FBXO46: variants seen among roughly 807,000 people sequenced by gnomAD.
FBXO46 encodes the protein F-box protein 46.
In FBXO46, 13 loss-of-function variants were observed where a neutral mutation model predicts 30.7. The observed-to-expected ratio is 0.42, with a 90% CI of 0.28 to 0.67. The LOEUF is 0.67. Ranked by LOEUF, FBXO46 falls within the 30% of genes least tolerant of loss-of-function variation. FBXO46 has a pLI of 0.21. For missense variants in FBXO46, 754 were observed against 871.5 expected (o/e 0.87, Z 1.70); for synonymous variants, 467 against 385.8 (o/e 1.21, Z -2.47).
upstream of FBXO46, among the ~76,000 whole-genome samples, chr19:45,731,158 G>A (rs982557579): frequency 6.6e-6 from 1 of 152,182 alleles, no homozygotes; most frequent in African/African-American, 2.4e-5. Context: ...CTCCATTTTT[G>A]CCCGAGGCCC....
intron 1 of FBXO46, among the ~76,000 whole-genome samples, chr19:45,729,219 C>T (rs753647256): frequency 2.0e-5 from 3 of 152,188 alleles, no homozygotes; most frequent in Non-Finnish European, 1.5e-5. Context: ...CACCTGAGGC[C>T]AGGAGTTCAA....
In FBXO46 at chr19:45,729,022, AT is replaced by A. The variant is rs1968274843; in HGVS notation, c.-79+1826del. On this transcript the variant is annotated intron_variant, in intron 1 of 1. Coordinates refer to ENST00000317683, the MANE Select transcript of FBXO46 (RefSeq NM_001080469.2). The stretch of plus-strand genomic sequence containing the variant: ...GCTACTCGGGAGGCTGAGGCGGAGA[AT>A]TGCTTGAACCCGGGAGGCGGAGGTT... Among the ~76,000 whole-genome samples, 4 of 152,092 alleles carry A rather than the reference AT, an allele frequency of 2.6e-5. 1 individual carries two copies. In the South Asian group the frequency reaches 8.3e-4, roughly 32 times the overall value.
chr19:45,724,513 A>G (rs570763255), intron 1 of FBXO46, among the ~76,000 whole-genome samples: 1 of 152,268 alleles, frequency 6.6e-6, no homozygotes, highest in Admixed American at 6.5e-5. Flanking sequence ...TAAGTGCTCT[A>G]TTAACACTTG....
rs1261587469 is a variant in FBXO46 at position 45,712,226 on chromosome 19, G to A, written c.1270C>T (p.Pro424Ser). Residue 424 changes from proline (P) to serine (S), a missense_variant, in exon 2 of 2, where the codon CCG becomes TCG. By Grantham distance (74) the Pro-to-Ser change is moderately conservative (BLOSUM62 -1). Coordinates refer to ENST00000317683, the MANE Select transcript of FBXO46 (RefSeq NM_001080469.2). The surrounding 1 kb of genome is among the most constrained non-coding windows in gnomAD (Gnocchi z 8.8). ...GGCGCAGTGGCCGGGGAGTCGGCCG[G>A]GGGTGGCTCCGGGGGCCCGTCCGGC... Reference protein sequence around the residue: ...RGPDGPPEPPPADSPATAPGP... With the variant: ...RGPDGPPEPPSADSPATAPGP... 1 of 1,605,664 alleles carries A rather than the reference G, an allele frequency of 6.2e-7. No homozygotes were observed. Among genetic ancestry groups the A allele is most frequent in the Admixed American group, 1.7e-5 (1 of 59,666 alleles).
At chr19:45,718,647 CCCTT>C (rs1456362684) in intron 1 of FBXO46, among the ~76,000 whole-genome samples, 1 of 151,934 alleles carries the variant, frequency 6.6e-6, no homozygotes, top group Non-Finnish European at 1.5e-5. Context: ...TTCTCCAACT[CCCTT>C]CCTGGAAATC....
chr19:45,712,716 G>A lies in FBXO46; in HGVS notation c.780C>T (p.Arg260=), dbSNP rs1259829765. ...ERPGPGPGEV[R]IAFRISNGRE... Reference sequence around the variant, plus strand: ...GGCCGTTGGAGATGCGGAAGGCGATGCGCACCTCCCCAGGGCCTGGCCCGG... The same window carrying A: ...GGCCGTTGGAGATGCGGAAGGCGATACGCACCTCCCCAGGGCCTGGCCCGG... Residue 260 remains arginine (R), a synonymous_variant, in exon 2 of 2, where the codon CGC becomes CGT. Transcript: ENST00000317683. The surrounding 1 kb of genome is among the most constrained non-coding windows in gnomAD (Gnocchi z 8.8). 1 of 1,612,480 alleles carries A rather than the reference G, an allele frequency of 6.2e-7. No individual in the cohort carries two copies. Among genetic ancestry groups the A allele is most frequent in the East Asian group, 2.2e-5 (1 of 44,848 alleles).
rs377319128 is a variant in FBXO46 at position 45,712,530 on chromosome 19, G to A, written c.966C>T (p.Asn322=). The part of the protein sequence containing the change: ...ISPSRDALPS[N]VEFLLARADE... The stretch of plus-strand genomic sequence containing the variant: ...CCGCCCTGGCCAGCAGGAACTCCAC[G>A]TTGCTGGGGAGGGCATCCCGCGAGG... The change falls in exon 2 of 2, where the codon AAC becomes AAT. Residue 322 remains asparagine (N), a synonymous_variant. Coordinates refer to ENST00000317683, the MANE Select transcript of FBXO46 (RefSeq NM_001080469.2). This position sits in a 1 kb window ranked among gnomAD's most constrained non-coding sequence, Gnocchi z 8.8. 27 of 1,600,944 alleles carry A rather than the reference G, an allele frequency of 1.7e-5. No individual in the cohort carries two copies. The highest frequency in any genetic ancestry group is 4.0e-5 in the African/African-American group (3 of 74,658).
At position 45,711,611 on chromosome 19, in the gene FBXO46, G is replaced by T. The variant is rs1967966798; in HGVS notation, c.*73C>A. ...AGTAGGGGAATGGGCAGGCGGCCCA[G>T]TCCGGACCCTCGGCTCCCGGGGGGA... On this transcript the variant is annotated 3_prime_UTR_variant, in exon 2 of 2. Transcript: ENST00000317683. 1.6e-6 allele frequency: 2 copies of T among 1,224,136 alleles called. No individual in the cohort carries two copies. Among genetic ancestry groups the T allele is most frequent in the Non-Finnish European group, 2.3e-6 (2 of 862,778 alleles). 75.8% of individuals were successfully genotyped at this position (1,224,136 alleles called of 1,614,324 possible). A position where few individuals can be genotyped will look rare whatever the true frequency, so the allele number is the denominator to read the frequency against.
Position 45,712,932 on chromosome 19 carries a change from C to T in FBXO46, c.564G>A (p.Gln188=). Residue 188 remains glutamine, a synonymous_variant, in exon 2 of 2, where the codon CAG becomes CAA. Coordinates refer to ENST00000317683, the MANE Select transcript of FBXO46 (RefSeq NM_001080469.2). The surrounding 1 kb of genome is among the most constrained non-coding windows in gnomAD (Gnocchi z 8.8). The part of the protein sequence containing the change: ...LVEQRAALAL[Q]SYPRPTTPAP... Reference sequence around the variant, plus strand: ...CTGGGGTGGTCGGTCGTGGGTAGCTCTGCAGGGCCAGGGCTGCCCGCTGTT... The same window carrying T: ...CTGGGGTGGTCGGTCGTGGGTAGCTTTGCAGGGCCAGGGCTGCCCGCTGTT... 1 of 1,603,842 alleles carries T rather than the reference C, an allele frequency of 6.2e-7. No individual in the cohort carries two copies. Among genetic ancestry groups the T allele is most frequent in the East Asian group, 2.3e-5 (1 of 44,322 alleles).
chr19:45,715,131 G>A (rs189088245), intron 1 of FBXO46: 1 of 152,268 alleles, frequency 6.6e-6, no homozygotes, highest in Admixed American at 6.5e-5. Context: ...CTAATCTGGA[G>A]GCAATCTTGC....
At chr19:45,715,262 T>G (rs1268567669) in intron 1 of FBXO46, 1 of 152,162 alleles carries the variant, frequency 6.6e-6, no homozygotes, top group Non-Finnish European at 1.5e-5. Context: ...CTTTAAACCT[T>G]GAAACTTCCA....
rs1042327580 is a variant in FBXO46 at position 45,719,730 on chromosome 19, G to A, written c.-78-6157C>T. ...TCCTGCATGCTGGCCATTGTTGGGC[G>A]CTGGAACACACAGGTGACACTGAGC... On this transcript the variant is annotated intron_variant, in intron 1 of 1. Transcript: ENST00000317683. Among the ~76,000 whole-genome samples the A allele has an allele frequency of 5.9e-5, 9 of 152,170 alleles. No individual in the cohort carries two copies. The South Asian group carries it at 8.3e-4, about 14-fold the overall frequency.
intron 1 of FBXO46, among the ~76,000 whole-genome samples, chr19:45,727,284 G>A (rs1406645704): frequency 1.3e-5 from 2 of 151,624 alleles, no homozygotes; most frequent in Admixed American, 1.3e-4. Flanking sequence ...AGAGGTCGGA[G>A]CAGTGGCTCA....
rs369312419 is a variant in FBXO46 at position 45,712,449 on chromosome 19, C to T, written c.1047G>A (p.Pro349=). The T allele has an allele frequency of 4.3e-5, 70 of 1,610,976 alleles. No homozygotes were observed. Among genetic ancestry groups the T allele is most frequent in the Non-Finnish European group, 5.5e-5 (65 of 1,179,206 alleles). ...CCCGGGCAGGGGGCGGAGGGGGCGC[C>T]GGGGGAGTGTCCTCAGGCCTGGCGG... ...PAPARPEDTP[P]APPPPPARDC... The change falls in exon 2 of 2, where the codon CCG becomes CCA. Residue 349 remains proline (P), a synonymous_variant. Transcript: ENST00000317683. The surrounding 1 kb of genome is among the most constrained non-coding windows in gnomAD (Gnocchi z 8.8).
At position 45,710,973 on chromosome 19, in the gene FBXO46, A is replaced by G; in HGVS notation, c.*711T>C. 4.3e-6 allele frequency: 1 copy of G among 229,894 alleles called. No homozygotes were observed. The highest frequency in any genetic ancestry group is 8.7e-6 in the Non-Finnish European group (1 of 115,260). The allele number at this position is 229,894 out of a possible 1,614,324, so 14.2% of individuals were successfully genotyped here. A position where few individuals can be genotyped will look rare whatever the true frequency, so the allele number is the denominator to read the frequency against. ...TCACAGCTTTATGGGGGTGGGGTTG[A>G]TGGCAGTAGCTTAAATAATAACGGG... On this transcript the variant is annotated 3_prime_UTR_variant, in exon 2 of 2. Coordinates refer to ENST00000317683, the MANE Select transcript of FBXO46 (RefSeq NM_001080469.2).
chr19:45,713,167 C>T lies in FBXO46; in HGVS notation c.329G>A (p.Gly110Asp). ...CATGGAGCTGGCCCGGCTGCCCCCA[C>T]CACACTGGTGGGCCACAAAGAAGGC... is the stretch of plus-strand genomic sequence containing the variant. ...KVAFFVAHQC[G>D]GGSRASSMKV... The change falls in exon 2 of 2, where the codon GGT becomes GAT. Residue 110 changes from glycine (G) to aspartate (D), a missense_variant. Around this residue, in one of 5 missense-constraint regions of FBXO46, gnomAD observed 39 missense variants for 56.5 expected, o/e 0.69. Transcript: ENST00000317683. This position sits in a 1 kb window ranked among gnomAD's most constrained non-coding sequence, Gnocchi z 4.7. 2 of 1,613,770 alleles carry T rather than the reference C, an allele frequency of 1.2e-6. No individual in the cohort carries two copies. The highest frequency in any genetic ancestry group is 8.5e-7 in the Non-Finnish European group (1 of 1,179,848).
rs1967957610 is a variant in FBXO46 at position 45,711,348 on chromosome 19, T to A, written c.*336A>T. On this transcript the variant is annotated 3_prime_UTR_variant, in exon 2 of 2. Coordinates refer to ENST00000317683, the MANE Select transcript of FBXO46 (RefSeq NM_001080469.2). ...GGGGACCCTTAAGTGGTACCAAAAT[T>A]AGCTGCCGTCTGCTCCCTGCTGGTG... The A allele has an allele frequency of 2.0e-6, 1 of 511,592 alleles. No individual in the cohort carries two copies. Among genetic ancestry groups the A allele is most frequent in the African/African-American group, 2.0e-5 (1 of 50,656 alleles). 31.7% of individuals were successfully genotyped at this position (511,592 alleles called of 1,614,324 possible).
Position 45,712,944 on chromosome 19 carries a change from G to C in FBXO46, c.552C>G (p.Ala184=), listed in dbSNP as rs886582064. ...GTCGTGGGTAGCTCTGCAGGGCCAG[G>C]GCTGCCCGCTGTTCCACCAGGGCCA... ...EMVALVEQRA[A]LALQSYPRPT... The change falls in exon 2 of 2, where the codon GCC becomes GCG. Residue 184 remains alanine, a synonymous_variant. Transcript: ENST00000317683. The surrounding 1 kb of genome is among the most constrained non-coding windows in gnomAD (Gnocchi z 8.8). 1 of 1,595,868 alleles carries C rather than the reference G, an allele frequency of 6.3e-7. No individual in the cohort carries two copies. The highest frequency in any genetic ancestry group is 8.5e-7 in the Non-Finnish European group (1 of 1,171,438).
chr19:45,714,377 T>TAAGAAAAAAAAAAGAAA (rs1472892988), intron 1 of FBXO46: 3 of 150,128 alleles, frequency 2.0e-5, no homozygotes, highest in African/African-American at 7.3e-5. Flanking sequence ...CGGCTTTTCT[T>TAAGAAAAAAAAAAGAAA]TTTTTTTTTC....
Sources: gnomAD v4.1 joint callset for allele counts (sites outside exome capture counted in the v4.1 genomes callset) on GRCh38, gnomAD v4.1.1 for gene constraint, gnomAD v4.1.1 regional missense constraint, Gnocchi (gnomAD v3.1) non-coding constraint, MANE v1.5 for transcripts, NCBI Gene and HGNC (gene_info 2026-07-23, HGNC 2026-07-21) for gene names.